The following SLC25A30 variants were observed in gnomAD, a reference collection of about 807,000 sequenced individuals.
The protein encoded by SLC25A30 is solute carrier family 25 member 30, also known as kidney mitochondrial carrier protein 1.
A neutral mutation model predicts 42.7 loss-of-function variants in SLC25A30; 29 were observed. That is an observed-to-expected ratio of 0.68 (90% confidence interval 0.51 to 0.93). The LOEUF is 0.93. SLC25A30 is among the 40% of genes least tolerant of loss of function. The pLI, the probability that SLC25A30 is intolerant of heterozygous loss-of-function variation, is 0.00. For synonymous variants in SLC25A30, 124 were observed against 131.0 expected, an observed-to-expected ratio of 0.95 and a Z score of 0.37; for missense variants, 300 against 359.7, an observed-to-expected ratio of 0.83 and a Z score of 1.34.
At chr13:45,425,876 G>T in the SLC25A30 span, among the ~76,000 whole-genome samples, 1 of 145,668 alleles carries the variant, frequency 6.9e-6, no homozygotes, top group African/African-American at 2.5e-5. Flanking sequence ...TATTTTTAGT[G>T]GAGACAGGGT....
chr13:45,425,538 GTATATATATATAAGTA>G, the SLC25A30 span, among the ~76,000 whole-genome samples: 1 of 46,928 alleles, frequency 2.1e-5, no homozygotes, highest in African/African-American at 9.3e-5. Flanking sequence ...ATATGTATAA[GTATATATATATAAGTA>G]TATATATAAA....
the SLC25A30 span, among the ~76,000 whole-genome samples, chr13:45,423,713 C>A: frequency 0.28 from 591 of 2,136 alleles, 118 homozygotes; most frequent in African/African-American, 0.43. Context: ...AATATATAAA[C>A]ATATATAAAT....
intron 7 of SLC25A30, among the ~76,000 whole-genome samples, chr13:45,399,424 A>G (rs562490111): frequency 7.3e-4 from 111 of 152,118 alleles, no homozygotes; most frequent in Non-Finnish European, 1.3e-3. Flanking sequence ...GGCCAGGCTG[A>G]TCTCAGACTC....
At chr13:45,433,844 T>G in the SLC25A30 span, among the ~76,000 whole-genome samples, 1 of 152,198 alleles carries the variant, frequency 6.6e-6, no homozygotes, top group Non-Finnish European at 1.5e-5. Flanking sequence ...GAGACAAACA[T>G]TTCCGGAAGG....
Position 45,401,353 on chromosome 13 carries a change from A to G in SLC25A30, c.490-146T>C, listed in dbSNP as rs560924722. 5.1e-6 allele frequency: 4 copies of G among 790,558 alleles called. No individual in the cohort carries two copies. The African/African-American group carries it at 5.2e-5, about 10-fold the overall frequency. The allele number at this position is 790,558 out of a possible 1,614,324, so 49.0% of individuals were successfully genotyped here. On this transcript the variant is annotated intron_variant, in intron 6 of 9. Coordinates refer to ENST00000519676, the MANE Select transcript of SLC25A30 (RefSeq NM_001010875.4). The stretch of plus-strand genomic sequence containing the variant: ...GCAGAAATGTAGAGTGACAGAGCGG[A>G]AAAGATCACAGAGCAAGAACTCAAA...
chr13:45,424,053 C>G, the SLC25A30 span, among the ~76,000 whole-genome samples: 4 of 57,310 alleles, frequency 7.0e-5, no homozygotes, highest in Admixed American at 2.7e-4. Flanking sequence ...ATATATAAAT[C>G]TATAAAAATA....
Position 45,397,589 on chromosome 13 carries a change from G to A in SLC25A30, c.754-251C>T, listed in dbSNP as rs187465123. 474 of 299,764 alleles carry A rather than the reference G, an allele frequency of 1.6e-3. 5 individuals are homozygous for A. The highest frequency in any genetic ancestry group is 0.013 in the South Asian group (297 of 22,672). 18.6% of individuals were successfully genotyped at this position (299,764 alleles called of 1,614,324 possible). ...CAGGCGCCTGTAGTCCCAGCTACTC[G>A]GGAGGCTGAGGCAGGAGAATGGCAT... On this transcript the variant is annotated intron_variant, in intron 8 of 9. Coordinates refer to ENST00000519676, the MANE Select transcript of SLC25A30 (RefSeq NM_001010875.4).
intron 5 of SLC25A30, chr13:45,402,659 C>T: frequency 2.3e-6 from 1 of 442,754 alleles, no homozygotes; most frequent in Non-Finnish European, 2.7e-6. Flanking sequence ...TGAAAAAAGT[C>T]TTTCTAGGAT....
intron 7 of SLC25A30, 59 bp downstream of exon 7, chr13:45,401,023 CT>C: frequency 1.4e-6 from 2 of 1,430,202 alleles, no homozygotes; most frequent in Non-Finnish European, 1.9e-6. Flanking sequence ...GAATATAATA[CT>C]TTTATAATAA....
chr13:45,403,025 A>G (rs1382197449), intron 5 of SLC25A30, among the ~76,000 whole-genome samples: 1 of 152,230 alleles, frequency 6.6e-6, no homozygotes, highest in Non-Finnish European at 1.5e-5. Context: ...TTGTTTAGGG[A>G]GCAAATACGT....
chr13:45,408,897 T>C, intron 3 of SLC25A30, 30 bp downstream of exon 3: 1 of 1,579,280 alleles, frequency 6.3e-7, no homozygotes, highest in African/African-American at 1.4e-5. Flanking sequence ...CAGTGAACAG[T>C]GACACAGAAA....
the SLC25A30 span, among the ~76,000 whole-genome samples, chr13:45,428,452 C>T: frequency 4.6e-5 from 7 of 151,544 alleles, no homozygotes; most frequent in East Asian, 1.4e-3. Context: ...CGTGATCTGC[C>T]CACCTCGGCC....
chr13:45,394,843 C>T lies in SLC25A30; in HGVS notation c.*1131G>A. Reference sequence around the variant, plus strand: ...TTCAAGCAGGTATTTTCCATCCAAACTAAACAGAAAGTCCAAGACAGGCAC... The same window carrying T: ...TTCAAGCAGGTATTTTCCATCCAAATTAAACAGAAAGTCCAAGACAGGCAC... On this transcript the variant is annotated 3_prime_UTR_variant, in exon 10 of 10. Transcript: ENST00000519676. 1.0e-6 allele frequency: 1 copy of T among 985,380 alleles called. No homozygotes were observed. Among genetic ancestry groups the T allele is most frequent in the Non-Finnish European group, 1.2e-6 (1 of 829,896 alleles). 61.0% of individuals were successfully genotyped at this position (985,380 alleles called of 1,614,324 possible).
At chr13:45,413,617 C>G (rs9567548) in intron 1 of SLC25A30, among the ~76,000 whole-genome samples, 1 of 151,324 alleles carries the variant, frequency 6.6e-6, no homozygotes, top group East Asian at 1.9e-4. Flanking sequence ...TGCAATGGCT[C>G]AATCTCAGCT....
At chr13:45,423,387 A>T (rs1391185777), upstream of SLC25A30, among the ~76,000 whole-genome samples, 1 of 147,784 alleles carries the variant, frequency 6.8e-6, no homozygotes, top group Non-Finnish European at 1.5e-5. Context: ...ATTTTACGTT[A>T]CTCTCTGCAT....
intron 7 of SLC25A30, among the ~76,000 whole-genome samples, chr13:45,400,185 G>T (rs1881823139): frequency 6.6e-6 from 1 of 151,968 alleles, no homozygotes. Flanking sequence ...ACTTTGGGAG[G>T]CTGAGGCGGG....
intron 6 of SLC25A30, among the ~76,000 whole-genome samples, chr13:45,401,422 T>C (rs1881970708): frequency 1.3e-5 from 2 of 152,218 alleles, no homozygotes; most frequent in African/African-American, 4.8e-5. Flanking sequence ...CTATATGACC[T>C]TGGGCCAGAC....
At chr13:45,408,839 T>C in intron 3 of SLC25A30, 88 bp downstream of exon 3, 1 of 1,228,234 alleles carries the variant, frequency 8.1e-7, no homozygotes, top group Non-Finnish European at 1.1e-6. Context: ...TCAAACTTTT[T>C]ACTTGTGATC....
At chr13:45,410,185 C>T (rs1882878299) in intron 2 of SLC25A30, among the ~76,000 whole-genome samples, 1 of 152,214 alleles carries the variant, frequency 6.6e-6, no homozygotes, top group Non-Finnish European at 1.5e-5. Flanking sequence ...TGGAACCCAA[C>T]CGATGAGGAA....
Sources: allele counts gnomAD v4.1 joint callset (sites outside exome capture counted in the v4.1 genomes callset), GRCh38; gene constraint gnomAD v4.1.1; transcripts MANE v1.5; gene names NCBI Gene and HGNC (gene_info 2026-07-23, HGNC 2026-07-21).